NPY2R: variants seen among roughly 807,000 people sequenced by gnomAD.
NPY2R encodes the protein neuropeptide Y receptor type 2.
NPY2R carries 17 observed loss-of-function variants against 22.3 expected under a neutral mutation model. The ratio of observed to expected loss-of-function variants is 0.76; its 90% CI spans 0.52 to 1.14. The LOEUF (loss-of-function observed/expected upper bound fraction) is 1.14, where lower values mean the gene tolerates loss of function less well. Ranked by LOEUF, NPY2R falls within the 50% of genes most tolerant of loss-of-function variation. NPY2R has a pLI of 0.00. For synonymous variants in NPY2R, 209 were observed against 183.4 expected (o/e 1.14, Z -1.13); for missense variants, 424 against 467.9 (o/e 0.91, Z 0.87).
upstream of NPY2R, among the ~76,000 whole-genome samples, chr4:155,203,882 T>G (rs12640663): frequency 6.6e-6 from 1 of 151,598 alleles, no homozygotes; most frequent in Non-Finnish European, 1.5e-5. Context: ...AACTCATTAG[T>G]CTTTGTTTGT....
chr4:155,181,553 A>G, the NPY2R span, among the ~76,000 whole-genome samples: 1 of 152,276 alleles, frequency 6.6e-6, no homozygotes, highest in South Asian at 2.1e-4. Flanking sequence ...TATTAAGAGG[A>G]GGAGACTTTG....
the NPY2R span, among the ~76,000 whole-genome samples, chr4:155,198,709 G>A: frequency 0.3 from 44,133 of 148,918 alleles, 6,848 homozygotes; most frequent in East Asian, 0.52. Flanking sequence ...TTACAGTGGA[G>A]AAATCTGAAG....
At position 155,216,577 on chromosome 4, in the gene NPY2R, GCTTTA is replaced by G. The variant is rs1729521491; in HGVS notation, c.*1497_*1501del. On this transcript the variant is annotated 3_prime_UTR_variant, in exon 2 of 2. Coordinates refer to ENST00000329476, the MANE Select transcript of NPY2R (RefSeq NM_000910.4). ...CAACATTAATTTTATGAACTGGAGA[GCTTTA>G]CTTTGTGGATATATTTAAAATTCAT... The G allele has an allele frequency of 6.0e-6, 1 of 166,624 alleles. No homozygotes were observed. Among genetic ancestry groups the G allele is most frequent in the South Asian group, 2.1e-4 (1 of 4,832 alleles). 10.3% of individuals were successfully genotyped at this position (166,624 alleles called of 1,614,324 possible).
At chr4:155,174,480 A>ATTTT in the NPY2R span, among the ~76,000 whole-genome samples, 3 of 88,732 alleles carry the variant, frequency 3.4e-5, no homozygotes, top group African/African-American at 1.3e-4. Context: ...ATATATATAT[A>ATTTT]TATATTTTTT....
rs1215842255 is a variant in NPY2R at position 155,216,630 on chromosome 4, T to C, written c.*1545T>C. On this transcript the variant is annotated 3_prime_UTR_variant, in exon 2 of 2. Coordinates refer to ENST00000329476, the MANE Select transcript of NPY2R (RefSeq NM_000910.4). ...CATATTATAGCTCCTATTAAATTCC[T>C]TCCATGATAGATATAAAGGACTGGT... 1 of 167,044 alleles carries C rather than the reference T, an allele frequency of 6.0e-6. No individual in the cohort carries two copies. The highest frequency in any genetic ancestry group is 1.5e-5 in the Non-Finnish European group (1 of 68,078). The allele number at this position is 167,044 out of a possible 1,614,324, so 10.3% of individuals were successfully genotyped here. A position where few individuals can be genotyped will look rare whatever the true frequency, so the allele number is the denominator to read the frequency against.
At chr4:155,175,797 GA>G in the NPY2R span, among the ~76,000 whole-genome samples, 2 of 140,244 alleles carry the variant, frequency 1.4e-5, no homozygotes, top group Non-Finnish European at 3.2e-5. Context: ...TAACAATAAA[GA>G]AAAAAGAAAA....
chr4:155,184,401 A>T, the NPY2R span, among the ~76,000 whole-genome samples: 2 of 152,352 alleles, frequency 1.3e-5, no homozygotes, highest in East Asian at 3.9e-4. Flanking sequence ...AATAATTTCT[A>T]CGTGGAGATG....
chr4:155,201,643 G>A, the NPY2R span, among the ~76,000 whole-genome samples: 1 of 152,096 alleles, frequency 6.6e-6, no homozygotes, highest in Non-Finnish European at 1.5e-5. Flanking sequence ...TCACGTTGGA[G>A]CATCATCTTA....
the NPY2R span, among the ~76,000 whole-genome samples, chr4:155,185,044 A>ATATATATTTTT: frequency 7.1e-6 from 1 of 140,616 alleles, no homozygotes; most frequent in African/African-American, 2.6e-5. Flanking sequence ...ATATATATAT[A>ATATATATTTTT]TTTTTTTTTT....
chr4:155,214,998 G>C lies in NPY2R; in HGVS notation c.1059G>C (p.Val353=). 1.2e-6 allele frequency: 2 copies of C among 1,614,152 alleles called. No homozygotes were observed. Among genetic ancestry groups the C allele is most frequent in the Non-Finnish European group, 1.7e-6 (2 of 1,180,022 alleles). Residue 353 remains valine, a synonymous_variant, in exon 2 of 2, where the codon GTG becomes GTC. Coordinates refer to ENST00000329476, the MANE Select transcript of NPY2R (RefSeq NM_000910.4). The part of the protein sequence containing the change: ...EQRLDAIHSE[V]SVTFKAKKNL... Reference sequence around the variant, plus strand: ...GGTTGGATGCCATTCACTCTGAGGTGTCCGTGACATTCAAGGCTAAAAAGA... The same window carrying C: ...GGTTGGATGCCATTCACTCTGAGGTCTCCGTGACATTCAAGGCTAAAAAGA...
chr4:155,199,967 G>A, the NPY2R span, among the ~76,000 whole-genome samples: 1 of 151,834 alleles, frequency 6.6e-6, no homozygotes, highest in East Asian at 1.9e-4. Flanking sequence ...ACTTCCTGAC[G>A]ACAACAACAA....
chr4:155,182,715 G>A, the NPY2R span, among the ~76,000 whole-genome samples: 1 of 152,106 alleles, frequency 6.6e-6, no homozygotes, highest in South Asian at 2.1e-4. Flanking sequence ...GAACTTGGAA[G>A]AGAGTGACCA....
the NPY2R span, among the ~76,000 whole-genome samples, chr4:155,178,224 A>T: frequency 1.3e-5 from 2 of 152,164 alleles, no homozygotes; most frequent in Admixed American, 1.3e-4. Context: ...AAAACTACCA[A>T]GATGAATGTC....
At chr4:155,196,064 A>G in the NPY2R span, among the ~76,000 whole-genome samples, 1 of 152,036 alleles carries the variant, frequency 6.6e-6, no homozygotes, top group Non-Finnish European at 1.5e-5. Context: ...TCATAAATGC[A>G]TTGCCCATGC....
the NPY2R span, among the ~76,000 whole-genome samples, chr4:155,175,286 G>T: frequency 1.1e-4 from 17 of 152,244 alleles, no homozygotes; most frequent in African/African-American, 4.1e-4. Flanking sequence ...TGAAGTATTT[G>T]TAAATACACA....
chr4:155,208,005 A>T (rs1469708759), upstream of NPY2R: 3 of 152,290 alleles, frequency 2.0e-5, no homozygotes, highest in Non-Finnish European at 2.9e-5. The surrounding 1 kb of genome is among the most constrained non-coding windows in gnomAD (Gnocchi z 5.6). Flanking sequence ...CATGGGCAGC[A>T]GGATCTGAAC....
chr4:155,185,669 A>ATT, the NPY2R span, among the ~76,000 whole-genome samples: 7 of 146,670 alleles, frequency 4.8e-5, no homozygotes, highest in African/African-American at 1.7e-4. Context: ...AAAGAAATGC[A>ATT]TTTTTTTTTT....
At chr4:155,188,873 T>C in the NPY2R span, among the ~76,000 whole-genome samples, 3 of 152,232 alleles carry the variant, frequency 2.0e-5, no homozygotes, top group Non-Finnish European at 2.9e-5. Flanking sequence ...ATAAACCATG[T>C]CCTAATTCCA....
chr4:155,208,124 C>A (rs1302260627), upstream of NPY2R: 1 of 152,288 alleles, frequency 6.6e-6, no homozygotes, highest in African/African-American at 2.4e-5. This position sits in a 1 kb window ranked among gnomAD's most constrained non-coding sequence, Gnocchi z 5.6. Flanking sequence ...TCGGTGCAAT[C>A]CTGCTGGCGC....
Sources: allele counts gnomAD v4.1 joint callset (sites outside exome capture counted in the v4.1 genomes callset), GRCh38; gene constraint gnomAD v4.1.1; non-coding constraint Gnocchi (gnomAD v3.1); transcripts MANE v1.5; gene names NCBI Gene and HGNC (gene_info 2026-07-23, HGNC 2026-07-21).